Variants in ARHGEF38 observed in about 807,000 individuals in gnomAD.
The protein encoded by ARHGEF38 is Rho guanine nucleotide exchange factor 38, also known as Rho guanine nucleotide exchange factor (GEF) 38.
ARHGEF38 carries 79 observed loss-of-function variants against 79.9 expected under a neutral mutation model. The ratio of observed to expected loss-of-function variants is 0.99; its 90% CI spans 0.82 to 1.19. The LOEUF is 1.19. ARHGEF38 is among the 50% of genes most tolerant of loss of function. ARHGEF38 has a pLI of 0.00. For synonymous variants in ARHGEF38, 366 were observed against 328.3 expected (o/e 1.11, Z -1.24); for missense variants, 962 against 907.2 (o/e 1.06, Z -0.78).
chr4:105,587,024 T>G (rs1727086600), intron 1 of ARHGEF38, among the ~76,000 whole-genome samples: 1 of 151,400 alleles, frequency 6.6e-6, no homozygotes, highest in South Asian at 2.1e-4. Context: ...CTGCAGCTCC[T>G]CTCATAAGGT....
chr4:105,627,250 A>G (rs1728985467), intron 3 of ARHGEF38, among the ~76,000 whole-genome samples: 1 of 152,116 alleles, frequency 6.6e-6, no homozygotes, highest in African/African-American at 2.4e-5. Flanking sequence ...TTCCTAAACA[A>G]AACCCGGGAC....
chr4:105,613,771 G>T (rs1284785861), intron 3 of ARHGEF38, among the ~76,000 whole-genome samples: 2 of 151,944 alleles, frequency 1.3e-5, no homozygotes. Flanking sequence ...TTGCTTTCCA[G>T]ATGTTCTGTA....
chr4:105,629,375 T>A (rs1729087239), intron 3 of ARHGEF38, among the ~76,000 whole-genome samples: 2 of 152,306 alleles, frequency 1.3e-5, no homozygotes, highest in East Asian at 1.9e-4. Flanking sequence ...GATTTATTCA[T>A]CCTGAATTAA....
At chr4:105,565,849 T>A (rs1725861550) in intron 1 of ARHGEF38, among the ~76,000 whole-genome samples, 1 of 152,106 alleles carries the variant, frequency 6.6e-6, no homozygotes, top group Admixed American at 6.6e-5. Flanking sequence ...AGCTTTGACT[T>A]CTCCTTTACC....
chr4:105,574,008 T>C (rs1008345194), intron 1 of ARHGEF38, among the ~76,000 whole-genome samples: 2 of 152,212 alleles, frequency 1.3e-5, no homozygotes, highest in Non-Finnish European at 2.9e-5. Flanking sequence ...TAATATTTTT[T>C]CAGATTGTTC....
At chr4:105,659,873 G>T (rs974742600) in intron 10 of ARHGEF38, among the ~76,000 whole-genome samples, 1 of 149,434 alleles carries the variant, frequency 6.7e-6, no homozygotes, top group Non-Finnish European at 1.5e-5. Context: ...GTGTGTGTGT[G>T]TGTGTGTGTG....
chr4:105,593,530 C>A (rs1440566607), intron 2 of ARHGEF38, among the ~76,000 whole-genome samples: 1 of 152,004 alleles, frequency 6.6e-6, no homozygotes, highest in Non-Finnish European at 1.5e-5. Context: ...AGAGCAAGAC[C>A]CTGTCTCCAG....
intron 13 of ARHGEF38, among the ~76,000 whole-genome samples, chr4:105,677,026 C>T (rs985881625): frequency 5.3e-5 from 8 of 151,498 alleles, no homozygotes; most frequent in Non-Finnish European, 8.8e-5. Context: ...TGCAGTGGCG[C>T]GATCTCGGCT....
chr4:105,660,960 A>G (rs533205085), intron 10 of ARHGEF38, among the ~76,000 whole-genome samples: 6 of 152,086 alleles, frequency 3.9e-5, no homozygotes, highest in Non-Finnish European at 8.8e-5. Flanking sequence ...TGGCCCCCTA[A>G]AGGAACCCTG....
chr4:105,562,946 C>T (rs1725707724), intron 1 of ARHGEF38, among the ~76,000 whole-genome samples: 1 of 152,182 alleles, frequency 6.6e-6, no homozygotes, highest in South Asian at 2.1e-4. Context: ...GTTCTGAAGA[C>T]AGATGATTTT....
At chr4:105,567,960 G>A (rs1268608204) in intron 1 of ARHGEF38, among the ~76,000 whole-genome samples, 1 of 122,458 alleles carries the variant, frequency 8.2e-6, no homozygotes, top group Non-Finnish European at 1.6e-5. Flanking sequence ...AGTCCCCAGA[G>A]TGTGATGTTC....
At chr4:105,581,931 C>T (rs1027874689) in intron 1 of ARHGEF38, among the ~76,000 whole-genome samples, 3 of 151,726 alleles carry the variant, frequency 2.0e-5, no homozygotes, top group Non-Finnish European at 2.9e-5. Flanking sequence ...TTTGGGAGGC[C>T]GAGGTGGGTG....
At chr4:105,620,788 C>T (rs1728707316) in intron 3 of ARHGEF38, among the ~76,000 whole-genome samples, 1 of 151,840 alleles carries the variant, frequency 6.6e-6, no homozygotes, top group South Asian at 2.1e-4. Context: ...CAAAGATGGC[C>T]CTCAATGGAC....
chr4:105,632,158 A>G (rs1413335520), intron 4 of ARHGEF38, among the ~76,000 whole-genome samples: 1 of 152,146 alleles, frequency 6.6e-6, no homozygotes, highest in South Asian at 2.1e-4. Flanking sequence ...GTTTAAAATG[A>G]GCCCAGTGAA....
chr4:105,673,804 A>T (rs1272079279), intron 13 of ARHGEF38, among the ~76,000 whole-genome samples: 1 of 152,148 alleles, frequency 6.6e-6, no homozygotes, highest in Non-Finnish European at 1.5e-5. Context: ...AACTTTACTT[A>T]AAATTTTTTT....
chr4:105,631,982 G>GCA, intron 4 of ARHGEF38, among the ~76,000 whole-genome samples: 1 of 152,198 alleles, frequency 6.6e-6, no homozygotes, highest in South Asian at 2.1e-4. Flanking sequence ...TGATCCTGTA[G>GCA]CACACCTCCC....
chr4:105,644,627 A>C (rs1729761396), intron 5 of ARHGEF38, among the ~76,000 whole-genome samples: 1 of 152,260 alleles, frequency 6.6e-6, no homozygotes, highest in African/African-American at 2.4e-5. Context: ...TAGGGATAGT[A>C]ATAATAATAA....
chr4:105,666,576 A>T (rs764191031), intron 11 of ARHGEF38, among the ~76,000 whole-genome samples: 1 of 152,166 alleles, frequency 6.6e-6, no homozygotes, highest in Non-Finnish European at 1.5e-5. Flanking sequence ...GGTAGGAGGC[A>T]CTCAATAAAT....
chr4:105,591,953 T>C (rs569054132), intron 2 of ARHGEF38, among the ~76,000 whole-genome samples: 3 of 152,248 alleles, frequency 2.0e-5, no homozygotes, highest in Non-Finnish European at 2.9e-5. Flanking sequence ...ATAAACCAGA[T>C]GTATTTGATA....
Sources: gnomAD v4.1 joint callset for allele counts (sites outside exome capture counted in the v4.1 genomes callset) on GRCh38, gnomAD v4.1.1 for gene constraint, MANE v1.5 for transcripts, NCBI Gene and HGNC (gene_info 2026-07-23, HGNC 2026-07-21) for gene names.